PGBD5: variants seen among roughly 807,000 people sequenced by gnomAD.
PGBD5 encodes piggyBac transposable element-derived protein 5.
A neutral mutation model predicts 47.9 loss-of-function variants in PGBD5; 14 were observed. That is an observed-to-expected ratio of 0.29 (90% CI 0.19 to 0.46). The LOEUF (loss-of-function observed/expected upper bound fraction) is 0.46. Ranked by LOEUF, PGBD5 falls within the 20% of genes least tolerant of loss-of-function variation. PGBD5 has a pLI of 1.00. For missense variants in PGBD5, 635 were observed against 716.0 expected (o/e 0.89, Z 1.29); for synonymous variants, 316 against 306.3 (o/e 1.03, Z -0.33).
chr1:230,390,803 G>C (rs1450510513), intron 1 of PGBD5, among the ~76,000 whole-genome samples: 10 of 152,082 alleles, frequency 6.6e-5, no homozygotes, highest in African/African-American at 2.4e-4. Context: ...GCAGTAGTGT[G>C]ATCTTGGCTC....
chr1:230,406,133 C>G (rs1657291841), intron 1 of PGBD5, among the ~76,000 whole-genome samples: 2 of 151,670 alleles, frequency 1.3e-5, no homozygotes, highest in Admixed American at 6.6e-5. Flanking sequence ...ATGGTGAAAC[C>G]CCATCTCTAC....
chr1:230,416,044 C>T (rs1657506741), intron 1 of PGBD5, among the ~76,000 whole-genome samples: 1 of 152,182 alleles, frequency 6.6e-6, no homozygotes, highest in Admixed American at 6.5e-5. Context: ...AAGTGATATA[C>T]AAGCATTTGT....
chr1:230,406,073 C>T (rs1657290413), intron 1 of PGBD5, among the ~76,000 whole-genome samples: 1 of 152,056 alleles, frequency 6.6e-6, no homozygotes, highest in Non-Finnish European at 1.5e-5. Context: ...CTTTGGGAGG[C>T]CGAGGCAGGT....
chr1:230,363,449 G>A (rs1219305902), intron 1 of PGBD5, among the ~76,000 whole-genome samples: 1 of 152,140 alleles, frequency 6.6e-6, no homozygotes, highest in East Asian at 1.9e-4. Flanking sequence ...GGGTGTGGTG[G>A]CGGGCGCCTG....
intron 1 of PGBD5, among the ~76,000 whole-genome samples, chr1:230,368,749 G>T (rs944477316): frequency 6.6e-6 from 1 of 152,240 alleles, no homozygotes; most frequent in Non-Finnish European, 1.5e-5. Flanking sequence ...CCTTCTGGCA[G>T]CCTGAAGTAC....
rs549690554 is a variant in PGBD5, at chr1:230,351,123, C to T, written c.760-31G>A. ...AGGAGGGAAAAAGCAGAGGCTCTCA[C>T]GGAAGGCAGCATGAGCTTGAGGGCT... On this transcript the variant is annotated intron_variant, in intron 2 of 6. Transcript: ENST00000391860. 3.4e-4 allele frequency: 547 copies of T among 1,598,360 alleles called. 4 individuals carry two copies. In the South Asian group the frequency reaches 5.5e-3, roughly 16 times the overall value.
chr1:230,420,599 C>A (rs1194717162), intron 1 of PGBD5, among the ~76,000 whole-genome samples: 3 of 152,162 alleles, frequency 2.0e-5, no homozygotes, highest in Non-Finnish European at 4.4e-5. Flanking sequence ...TTATAAGCAT[C>A]TGGCATTTCC....
At chr1:230,325,136 C>T (rs1667094905) in intron 6 of PGBD5, among the ~76,000 whole-genome samples, 174 bp downstream of exon 6, 1 of 152,162 alleles carries the variant, frequency 6.6e-6, no homozygotes, top group South Asian at 2.1e-4. Flanking sequence ...TAGGTAAAGC[C>T]ATGTGTGCAC....
In PGBD5 at chr1:230,396,559, G is replaced by GCC. The variant is rs61206058; in HGVS notation, c.331+29037_331+29038dup. Among the ~76,000 whole-genome samples, 248 of 117,624 alleles carry GCC rather than the reference G, an allele frequency of 2.1e-3. 4 individuals are homozygous for GCC. Among genetic ancestry groups the GCC allele is most frequent in the African/African-American group, 7.8e-3 (211 of 27,028 alleles). The allele number at this position is 117,624 out of a possible 152,430, so 77.2% of individuals were successfully genotyped here. A position where few individuals can be genotyped will look rare whatever the true frequency, so the allele number is the denominator to read the frequency against. ...CTTGACAGCTAAGGTACATTTTGTT[G>GCC]CCCCCCCTCCCCCTGCATTCATCTG... On this transcript the variant is annotated intron_variant, in intron 1 of 6. Transcript: ENST00000391860.
At chr1:230,365,938 A>T (rs1358150941) in intron 1 of PGBD5, among the ~76,000 whole-genome samples, 2 of 152,272 alleles carry the variant, frequency 1.3e-5, no homozygotes, top group African/African-American at 4.8e-5. Context: ...CAATGTAAAC[A>T]GCAAGATAAC....
chr1:230,351,081 T>C lies in PGBD5; in HGVS notation c.771A>G (p.Glu257=). ...FRPSQTQVLH[E]PLIDEDPVFI... Reference sequence around the variant, plus strand: ...ATACAGGATCCTCATCGATCAGGGGTTCATGTAGCACCTGCCAGGAGGGAA... The same window carrying C: ...ATACAGGATCCTCATCGATCAGGGGCTCATGTAGCACCTGCCAGGAGGGAA... Residue 257 remains glutamate (E), a synonymous_variant, in exon 3 of 7, where the codon GAA becomes GAG. Coordinates refer to ENST00000391860, the MANE Select transcript of PGBD5 (RefSeq NM_001258311.2). 1 of 1,612,832 alleles carries C rather than the reference T, an allele frequency of 6.2e-7. No individual in the cohort carries two copies. Among genetic ancestry groups the C allele is most frequent in the Non-Finnish European group, 8.5e-7 (1 of 1,179,488 alleles).
At chr1:230,384,714 C>T (rs1227357953) in intron 1 of PGBD5, among the ~76,000 whole-genome samples, 1 of 152,214 alleles carries the variant, frequency 6.6e-6, no homozygotes, top group East Asian at 1.9e-4. Flanking sequence ...CACGACACCA[C>T]GCGGCCTCTT....
At chr1:230,365,694 C>T (rs1667817767) in intron 1 of PGBD5, among the ~76,000 whole-genome samples, 1 of 152,210 alleles carries the variant, frequency 6.6e-6, no homozygotes, top group Non-Finnish European at 1.5e-5. Context: ...TGAGTCTTCT[C>T]CAAGGTGAGC....
At chr1:230,405,691 T>A (rs547749016) in intron 1 of PGBD5, among the ~76,000 whole-genome samples, 39 of 152,256 alleles carry the variant, frequency 2.6e-4, no homozygotes, top group African/African-American at 5.3e-4. Flanking sequence ...AAAAGGTCTC[T>A]AAAAATATAT....
Position 230,320,572 on chromosome 1 carries a change from G to T in PGBD5, c.*2853C>A, listed in dbSNP as rs1223257657. ...ACTTGCCATGTGTGCAGTGGTGCTT[G>T]CCAGCCCCATATACTCAGCCAGGGC... On this transcript the variant is annotated 3_prime_UTR_variant, in exon 7 of 7. Transcript: ENST00000391860. 1 of 152,132 alleles carries T rather than the reference G, an allele frequency of 6.6e-6. No individual in the cohort carries two copies. The allele number at this position is 152,132 out of a possible 1,614,324, so 9.4% of individuals were successfully genotyped here.
At position 230,315,122 on chromosome 1, in the gene PGBD5, T is replaced by C. The variant is rs1666915835; in HGVS notation, c.*8303A>G. The C allele has an allele frequency of 6.6e-6, 1 of 152,130 alleles. No homozygotes were observed. Among genetic ancestry groups the C allele is most frequent in the African/African-American group, 2.4e-5 (1 of 41,400 alleles). 9.4% of individuals were successfully genotyped at this position (152,130 alleles called of 1,614,324 possible). On this transcript the variant is annotated 3_prime_UTR_variant, in exon 7 of 7. Transcript: ENST00000391860. ...TTAGCTTCCTGGCTATTTTCAACTC[T>C]TCTTAGTGAAGACCAGCATTGCCAG...
chr1:230,344,303 T>C (rs1410386905), intron 3 of PGBD5, among the ~76,000 whole-genome samples: 1 of 149,888 alleles, frequency 6.7e-6, no homozygotes, highest in African/African-American at 2.4e-5. Context: ...AAAAAGAAGG[T>C]GAGATCTAGA....
intron 1 of PGBD5, among the ~76,000 whole-genome samples, chr1:230,424,595 TA>T (rs906746907): frequency 6.6e-6 from 1 of 152,134 alleles, no homozygotes; most frequent in African/African-American, 2.4e-5. Flanking sequence ...GGTTGAACAA[TA>T]ATCAGAGAAG....
intron 2 of PGBD5, among the ~76,000 whole-genome samples, chr1:230,352,677 C>A (rs1558196992): frequency 6.6e-6 from 1 of 152,152 alleles, no homozygotes; most frequent in South Asian, 2.1e-4. Context: ...GGAGGCTGGC[C>A]TAGCTGCAAC....
Sources: gnomAD v4.1 joint callset for allele counts (sites outside exome capture counted in the v4.1 genomes callset) on GRCh38, gnomAD v4.1.1 for gene constraint, MANE v1.5 for transcripts, NCBI Gene and HGNC (gene_info 2026-07-23, HGNC 2026-07-21) for gene names.